CGGBP1: variants seen among roughly 807,000 people sequenced by gnomAD.
The protein encoded by CGGBP1 is CGG triplet repeat binding protein 1.
CGGBP1 carries 4 observed loss-of-function variants against 11.4 expected under a neutral mutation model. The ratio of observed to expected loss-of-function variants is 0.35; its 90% CI spans 0.17 to 0.80. CGGBP1 has a LOEUF of 0.80. Among genes scored for constraint, CGGBP1 ranks in the 30% least tolerant of loss-of-function variants. The pLI is 0.52. For missense variants in CGGBP1, 135 were observed against 202.1 expected (o/e 0.67, Z 2.01); for synonymous variants, 76 against 74.1 (o/e 1.03, Z -0.13).
At chr3:88,133,275 G>A (rs1706573318) in intron 2 of CGGBP1, among the ~76,000 whole-genome samples, 1 of 152,082 alleles carries the variant, frequency 6.6e-6, no homozygotes, top group African/African-American at 2.4e-5. Context: ...AATTGGGTGT[G>A]CCACTCCAAT....
In CGGBP1 at chr3:88,109,142, AGTGTGT is replaced by A. The variant is rs35595112; in HGVS notation, c.-229+31822_-229+31827del. Among the ~76,000 whole-genome samples, 571 of 142,532 alleles carry A rather than the reference AGTGTGT, an allele frequency of 4.0e-3. 3 individuals carry two copies. The highest frequency in any genetic ancestry group is 0.013 in the African/African-American group (517 of 38,614). The allele number at this position is 142,532 out of a possible 152,430, so 93.5% of individuals were successfully genotyped here. A position where few individuals can be genotyped will look rare whatever the true frequency, so the allele number is the denominator to read the frequency against. Reference sequence around the variant, plus strand: ...TATCCCCTGTGGATAAGTGGGCACTAGTGTGTGTGTGTGTGTGTGTGTGTGTGTGTG... The same window carrying A: ...TATCCCCTGTGGATAAGTGGGCACTAGTGTGTGTGTGTGTGTGTGTGTGTG... On this transcript the variant is annotated intron_variant, in intron 2 of 3. Transcript: ENST00000462901.
At chr3:88,105,010 C>T (rs188472648) in intron 2 of CGGBP1, among the ~76,000 whole-genome samples, 4 of 152,136 alleles carry the variant, frequency 2.6e-5, no homozygotes, top group Non-Finnish European at 2.9e-5. Flanking sequence ...TGTGGTGGCG[C>T]GCGCCTGTAA....
At chr3:88,129,927 T>A (rs1706345045) in intron 2 of CGGBP1, 2 of 1,106,280 alleles carry the variant, frequency 1.8e-6, no homozygotes, top group Admixed American at 6.6e-5. Flanking sequence ...AATGTCAAGC[T>A]ACTTTTAAAA....
intron 2 of CGGBP1, among the ~76,000 whole-genome samples, chr3:88,088,793 G>A (rs1708479742): frequency 6.6e-6 from 1 of 151,884 alleles, no homozygotes; most frequent in South Asian, 2.1e-4. Context: ...TGGATGGATG[G>A]ATGGAGTCTG....
chr3:88,110,919 C>T (rs187165109), intron 2 of CGGBP1, among the ~76,000 whole-genome samples: 2 of 152,116 alleles, frequency 1.3e-5, no homozygotes, highest in African/African-American at 2.4e-5. Context: ...TGGTTTTTCT[C>T]TTTTTAATAT....
At chr3:88,091,864 G>C (rs530458789) in intron 2 of CGGBP1, among the ~76,000 whole-genome samples, 1 of 152,170 alleles carries the variant, frequency 6.6e-6, no homozygotes, top group Non-Finnish European at 1.5e-5. Flanking sequence ...ATGTAGAACT[G>C]TGAGTCCATT....
intron 2 of CGGBP1, chr3:88,135,380 C>T: frequency 2.5e-6 from 1 of 406,902 alleles, no homozygotes; most frequent in Non-Finnish European, 4.2e-6. Context: ...ACATGGGAGG[C>T]TGATTTATTG....
At chr3:88,062,823 T>A (rs182159777), upstream of CGGBP1, among the ~76,000 whole-genome samples, 335 of 152,330 alleles carry the variant, frequency 2.2e-3, no homozygotes, top group Non-Finnish European at 2.9e-3. Context: ...GTACTTAGTA[T>A]TGTACGTAGC....
rs1192801749 is a variant in CGGBP1 at position 88,054,880 on chromosome 3, A to C, written c.*593T>G. On this transcript the variant is annotated 3_prime_UTR_variant, in exon 4 of 4. Coordinates refer to ENST00000482016, the MANE Select transcript of CGGBP1 (RefSeq NM_001008390.2). The stretch of plus-strand genomic sequence containing the variant: ...TACAAAATACAACAATAAGCCTTTA[A>C]AATGGGGGCGGGGGAAGTATGGAAT... The C allele has an allele frequency of 6.6e-6, 1 of 152,438 alleles. No individual in the cohort carries two copies. The highest frequency in any genetic ancestry group is 6.6e-5 in the Admixed American group (1 of 15,240). 9.4% of individuals were successfully genotyped at this position (152,438 alleles called of 1,614,324 possible).
intron 2 of CGGBP1, among the ~76,000 whole-genome samples, chr3:88,116,628 A>G (rs571116233): frequency 3.5e-4 from 53 of 151,926 alleles, no homozygotes; most frequent in South Asian, 6.3e-4. Context: ...GTGTGTGTGT[A>G]TATATATGTA....
At chr3:88,127,931 G>GA (rs1706217602) in intron 2 of CGGBP1, among the ~76,000 whole-genome samples, 1 of 152,142 alleles carries the variant, frequency 6.6e-6, no homozygotes, top group Non-Finnish European at 1.5e-5. Context: ...ATTGTAAACA[G>GA]AATTGCAAGA....
upstream of CGGBP1, among the ~76,000 whole-genome samples, chr3:88,063,419 G>A (rs1002458158): frequency 6.6e-6 from 1 of 152,162 alleles, no homozygotes; most frequent in Non-Finnish European, 1.5e-5. Context: ...TCACAGAAAA[G>A]AGAGTTTGTC....
At chr3:88,076,377 T>C (rs927726038) in intron 2 of CGGBP1, among the ~76,000 whole-genome samples, 12 of 152,184 alleles carry the variant, frequency 7.9e-5, no homozygotes, top group African/African-American at 9.7e-5. Context: ...TAATTTTTTT[T>C]CCCCATTTTC....
chr3:88,062,745 A>G (rs944074791), upstream of CGGBP1, among the ~76,000 whole-genome samples: 2 of 152,214 alleles, frequency 1.3e-5, no homozygotes, highest in Non-Finnish European at 2.9e-5. Context: ...AAATTATTTC[A>G]TACTACAGTG....
At chr3:88,084,384 G>T (rs1254421895) in intron 2 of CGGBP1, among the ~76,000 whole-genome samples, 1 of 152,174 alleles carries the variant, frequency 6.6e-6, no homozygotes. Context: ...GGTAACCAGA[G>T]AAAGGCAATA....
At chr3:88,086,836 G>A (rs1406641397) in intron 2 of CGGBP1, among the ~76,000 whole-genome samples, 1 of 152,202 alleles carries the variant, frequency 6.6e-6, no homozygotes, top group Non-Finnish European at 1.5e-5. Flanking sequence ...AGGCTGGAGT[G>A]CAGTGGTGCC....
At chr3:88,134,294 C>A (rs1215261156) in intron 2 of CGGBP1, among the ~76,000 whole-genome samples, 1 of 151,986 alleles carries the variant, frequency 6.6e-6, no homozygotes, top group Non-Finnish European at 1.5e-5. Context: ...GTGCTGAGTT[C>A]AAAGTATATG....
At chr3:88,078,150 G>T (rs935604248) in intron 2 of CGGBP1, among the ~76,000 whole-genome samples, 1 of 152,130 alleles carries the variant, frequency 6.6e-6, no homozygotes, top group Non-Finnish European at 1.5e-5. Context: ...GTAGGGTTTT[G>T]ATATATATTC....
chr3:88,093,653 G>A (rs1703879888), intron 2 of CGGBP1, among the ~76,000 whole-genome samples: 2 of 152,198 alleles, frequency 1.3e-5, no homozygotes, highest in Admixed American at 1.3e-4. Flanking sequence ...CACATGTAAT[G>A]TTAGATCACT....
Sources: allele counts gnomAD v4.1 joint callset (sites outside exome capture counted in the v4.1 genomes callset), GRCh38; gene constraint gnomAD v4.1.1; transcripts MANE v1.5; gene names NCBI Gene and HGNC (gene_info 2026-07-23, HGNC 2026-07-21).